TG: variants seen among roughly 807,000 people sequenced by gnomAD.
The protein encoded by TG is thyroglobulin, also known as thyroid hormones.
In TG, 270 loss-of-function variants were observed where a neutral mutation model predicts 324.7. The ratio of observed to expected loss-of-function variants is 0.83; its 90% confidence interval spans 0.75 to 0.92. The LOEUF is 0.92. TG is among the 40% of genes least tolerant of loss of function. The pLI is 0.00. For synonymous variants in TG, 1,401 were observed against 1,327.0 expected (o/e 1.06, Z -1.21); for missense variants, 3,591 against 3,456.4 (o/e 1.04, Z -0.98).
intron 34 of TG, among the ~76,000 whole-genome samples, chr8:132,982,544 A>G (rs558875910): frequency 6.6e-6 from 1 of 152,268 alleles, no homozygotes; most frequent in East Asian, 1.9e-4. Context: ...AGGACTTGTT[A>G]CTCTACGCTG....
At chr8:132,926,974 T>C (rs545175853) in intron 22 of TG, among the ~76,000 whole-genome samples, 2 of 152,286 alleles carry the variant, frequency 1.3e-5, no homozygotes, top group Admixed American at 1.3e-4. Flanking sequence ...GCAGAGTTAG[T>C]AAAAAATATT....
chr8:133,124,446 G>A (rs1851371818), intron 45 of TG, among the ~76,000 whole-genome samples: 1 of 152,200 alleles, frequency 6.6e-6, no homozygotes, highest in Non-Finnish European at 1.5e-5. Context: ...GGCAGAGACA[G>A]CCCAATCTAG....
chr8:133,038,885 T>C (rs1274025175), intron 41 of TG: 8 of 599,954 alleles, frequency 1.3e-5, no homozygotes, highest in Non-Finnish European at 2.0e-5. Flanking sequence ...TTATTTTTCT[T>C]TATTTATTTT....
intron 27 of TG, among the ~76,000 whole-genome samples, chr8:132,953,543 C>T (rs1451633850): frequency 1.3e-5 from 2 of 152,184 alleles, no homozygotes; most frequent in African/African-American, 2.4e-5. Context: ...TCATTCAGGT[C>T]ACTTGCCACA....
At chr8:132,995,807 T>C (rs1832822507) in intron 35 of TG, among the ~76,000 whole-genome samples, 1 of 152,178 alleles carries the variant, frequency 6.6e-6, no homozygotes, top group Admixed American at 6.5e-5. Flanking sequence ...ATAGAAGGAA[T>C]ATAGATCCAA....
chr8:133,127,347 G>T (rs370239134), intron 45 of TG, among the ~76,000 whole-genome samples: 1 of 152,154 alleles, frequency 6.6e-6, no homozygotes, highest in Non-Finnish European at 1.5e-5. Context: ...CTTTTGGCTC[G>T]CTGGGGTGCA....
Position 132,886,533 on chromosome 8 carries a change from C to T in TG, c.1161C>T (p.Asp387=), listed in dbSNP as rs954844492. The T allele has an allele frequency of 8.1e-6, 13 of 1,614,062 alleles. No individual in the cohort carries two copies. Among genetic ancestry groups the T allele is most frequent in the African/African-American group, 1.3e-5 (1 of 74,912 alleles). Residue 387 remains aspartate (D), a synonymous_variant, in exon 9 of 48, where the codon GAC becomes GAT. Coordinates refer to ENST00000220616, the MANE Select transcript of TG (RefSeq NM_003235.5). The part of the protein sequence containing the change: ...FGTSGYFSQH[D]LFSSPEKRWA... ...CCTCAGGCTACTTCAGCCAGCACGA[C>T]CTGTTCTCTTCCCCAGAGAAAAGAT...
chr8:133,079,762 G>A (rs570885606), intron 41 of TG, among the ~76,000 whole-genome samples: 4 of 152,114 alleles, frequency 2.6e-5, no homozygotes, highest in Non-Finnish European at 5.9e-5. Context: ...GCTTTCTATC[G>A]ATGGAGAAAA....
chr8:133,118,671 C>A (rs1850904348), intron 45 of TG, among the ~76,000 whole-genome samples: 1 of 152,044 alleles, frequency 6.6e-6, no homozygotes, highest in Non-Finnish European at 1.5e-5. Context: ...GTTCAGAGCC[C>A]AATTTTGCAG....
chr8:133,124,683 G>A (rs1408525083), intron 45 of TG, among the ~76,000 whole-genome samples: 2 of 152,106 alleles, frequency 1.3e-5, no homozygotes, highest in Non-Finnish European at 2.9e-5. Context: ...TTCCTTTTAG[G>A]AAAACTGAGG....
chr8:132,981,135 C>T (rs1830790241), intron 34 of TG, among the ~76,000 whole-genome samples: 1 of 152,156 alleles, frequency 6.6e-6, no homozygotes, highest in Non-Finnish European at 1.5e-5. Flanking sequence ...ACTTATAATG[C>T]CTGTTACTTT....
chr8:133,046,161 C>G (rs1482440593), intron 41 of TG, among the ~76,000 whole-genome samples: 2 of 152,200 alleles, frequency 1.3e-5, no homozygotes, highest in Admixed American at 6.5e-5. Flanking sequence ...TCAGGGTCCT[C>G]TCTTGCTCTG....
At position 133,024,140 on chromosome 8, in the gene TG, G is replaced by A. The variant is rs377496697; in HGVS notation, c.7036+1990G>A. 5.9e-5 allele frequency among the ~76,000 whole-genome samples: 9 copies of A among 152,302 alleles called. 1 individual carries two copies. Among genetic ancestry groups the A allele is most frequent in the Middle Eastern group, 3.4e-3 (1 of 294 alleles). On this transcript the variant is annotated intron_variant, in intron 40 of 47. Coordinates refer to ENST00000220616, the MANE Select transcript of TG (RefSeq NM_003235.5). ...CTCAGTGAGGCTGAGGAATGTTATC[G>A]CCACAGTCACAAGTGGCATCCTGTG... is the stretch of plus-strand genomic sequence containing the variant.
chr8:132,960,837 T>C (rs1209188989), intron 27 of TG, among the ~76,000 whole-genome samples, 171 bp from the exon 28 acceptor site: 8 of 152,162 alleles, frequency 5.3e-5, no homozygotes, highest in Admixed American at 5.2e-4. Context: ...GGTTTTGTAC[T>C]AGGGAGCTGG....
intron 41 of TG, among the ~76,000 whole-genome samples, chr8:133,045,626 C>G (rs556098832): frequency 2.6e-5 from 4 of 152,168 alleles, no homozygotes; most frequent in Admixed American, 2.6e-4. Context: ...AACTCCTGGA[C>G]TCAAGTGATC....
In TG at chr8:133,083,184, A is replaced by T. The variant is rs147980361; in HGVS notation, c.7240-11860A>T. 1.8e-4 allele frequency among the ~76,000 whole-genome samples: 28 copies of T among 152,350 alleles called. No individual in the cohort carries two copies. The East Asian group carries it at 4.8e-3, about 26-fold the overall frequency. Reference sequence around the variant, plus strand: ...TTATAACCTGTAAAGCATGGTACAGATGTCAGTTATCATTATTTATTATTG... The same window carrying T: ...TTATAACCTGTAAAGCATGGTACAGTTGTCAGTTATCATTATTTATTATTG... On this transcript the variant is annotated intron_variant, in intron 41 of 47. Transcript: ENST00000220616.
chr8:132,939,942 G>T (rs1357936103), intron 25 of TG, among the ~76,000 whole-genome samples: 1 of 152,114 alleles, frequency 6.6e-6, no homozygotes, highest in East Asian at 1.9e-4. Flanking sequence ...TCCCAAAGTG[G>T]TGGGATTACA....
At chr8:132,896,715 T>C (rs1163612941) in intron 11 of TG, among the ~76,000 whole-genome samples, 1 of 152,168 alleles carries the variant, frequency 6.6e-6, no homozygotes, top group Admixed American at 6.5e-5. Flanking sequence ...CATTCACGCT[T>C]TTTTCCCAAT....
rs1300119766 is a variant in TG at position 132,908,351 on chromosome 8, G to A, written c.4002+11G>A. On this transcript the variant is annotated intron_variant, in intron 18 of 47. Transcript: ENST00000220616. ...TTCTGCCAGATCCAGGTACATGCCT[G>A]GCCTTCCCCACAGTGAGGGCTTGGA... 7.2e-6 allele frequency: 11 copies of A among 1,528,114 alleles called. No homozygotes were observed. Among genetic ancestry groups the A allele is most frequent in the Non-Finnish European group, 8.8e-6 (10 of 1,131,396 alleles). The allele number at this position is 1,528,114 out of a possible 1,614,324, so 94.7% of individuals were successfully genotyped here. A position where few individuals can be genotyped will look rare whatever the true frequency, so the allele number is the denominator to read the frequency against.
Sources: gnomAD v4.1 joint callset for allele counts (sites outside exome capture counted in the v4.1 genomes callset) on GRCh38, gnomAD v4.1.1 for gene constraint, MANE v1.5 for transcripts, NCBI Gene and HGNC (gene_info 2026-07-23, HGNC 2026-07-21) for gene names.